ATP11B: variants seen among roughly 807,000 people sequenced by gnomAD.
ATP11B encodes phospholipid-transporting ATPase IF.
Under a neutral mutation model 157.8 loss-of-function variants are expected in ATP11B, and 81 were observed. The observed-to-expected ratio is 0.51, with a 90% CI of 0.43 to 0.62. The LOEUF is 0.62. Ranked by LOEUF, ATP11B falls within the 20% of genes least tolerant of loss-of-function variation. ATP11B has a pLI of 0.00. For synonymous variants in ATP11B, 451 were observed against 469.4 expected (o/e 0.96, Z 0.51); for missense variants, 1,165 against 1,402.2 (o/e 0.83, Z 2.70).
chr3:182,867,578 A>AATTT, intron 15 of ATP11B, 134 bp downstream of exon 15: 23 of 232,848 alleles, frequency 9.9e-5, no homozygotes, highest in Non-Finnish European at 1.3e-4. Context: ...AAGTCACATT[A>AATTT]CTTTTTTTTT....
rs184788601 is a variant in ATP11B, at chr3:182,857,408, A to G, written c.852-470A>G. On this transcript the variant is annotated intron_variant, in intron 10 of 29. Transcript: ENST00000323116. ...GTGATCCACCCGCCTCGGTCTCCCA[A>G]AGTGCTGGGATTACAGGCGTAGTGA... 2.6e-5 allele frequency among the ~76,000 whole-genome samples: 4 copies of G among 152,256 alleles called. No homozygotes were observed. In the East Asian group the frequency reaches 7.7e-4, roughly 29 times the overall value.
At chr3:182,863,981 TAATATCA>T (rs879944459) in intron 12 of ATP11B, among the ~76,000 whole-genome samples, 1 of 152,128 alleles carries the variant, frequency 6.6e-6, no homozygotes, top group Non-Finnish European at 1.5e-5. Flanking sequence ...GGGCAACATT[TAATATCA>T]AATAGTAAAG....
At chr3:182,868,155 A>G (rs1286307362) in intron 15 of ATP11B, among the ~76,000 whole-genome samples, 1 of 151,952 alleles carries the variant, frequency 6.6e-6, no homozygotes, top group Admixed American at 6.6e-5. Flanking sequence ...TTCTCACTGA[A>G]TAAAGAAAAC....
chr3:182,841,217 A>T (rs530614343), intron 7 of ATP11B, among the ~76,000 whole-genome samples: 1 of 152,308 alleles, frequency 6.6e-6, no homozygotes, highest in Admixed American at 6.5e-5. Flanking sequence ...GATCCTTCTT[A>T]TTCTGTTCTG....
chr3:182,825,505 G>A (rs756438928), intron 2 of ATP11B, among the ~76,000 whole-genome samples: 1 of 152,042 alleles, frequency 6.6e-6, no homozygotes, highest in Non-Finnish European at 1.5e-5. Flanking sequence ...GATCACTTGA[G>A]GCCAGGAGTT....
intron 10 of ATP11B, among the ~76,000 whole-genome samples, chr3:182,853,339 C>T (rs547927219): frequency 6.6e-6 from 1 of 152,240 alleles, no homozygotes; most frequent in South Asian, 2.1e-4. Context: ...TCCCGAGTGG[C>T]TGGGACCACA....
intron 28 of ATP11B, among the ~76,000 whole-genome samples, chr3:182,912,724 G>A (rs1262898345): frequency 6.6e-6 from 1 of 152,066 alleles, no homozygotes. Flanking sequence ...GTTCCATCAC[G>A]TCCGTCTCTT....
intron 1 of ATP11B, among the ~76,000 whole-genome samples, chr3:182,814,722 C>T (rs921693514): frequency 6.6e-6 from 1 of 152,036 alleles, no homozygotes; most frequent in African/African-American, 2.4e-5. Context: ...ATGAGAGGAT[C>T]GCTTGAGCCT....
chr3:182,895,763 G>A (rs1723504173), intron 25 of ATP11B, among the ~76,000 whole-genome samples: 1 of 152,164 alleles, frequency 6.6e-6, no homozygotes, highest in South Asian at 2.1e-4. Flanking sequence ...GTGTGGGCGG[G>A]AGGGGTCTGG....
In ATP11B at chr3:182,884,756, T is replaced by C. The variant is rs1378479762; in HGVS notation, c.2513T>C (p.Ile838Thr). Residue 838 changes from isoleucine to threonine, a missense_variant, in exon 22 of 30, where the codon ATC becomes ACC. Ile to Thr is a moderately conservative substitution (Grantham distance 89). Around this residue, in one of 4 missense-constraint regions of ATP11B, gnomAD observed 737 missense variants for 930.5 expected, o/e 0.79. Coordinates refer to ENST00000323116, the MANE Select transcript of ATP11B (RefSeq NM_014616.3). ...TCTTTTGTCCCTTTTATTATAGGAATCATGGGTAAAGAAGGAAGACAGGCT... is the reference window on the plus strand; with the variant it reads ...TCTTTTGTCCCTTTTATTATAGGAACCATGGGTAAAGAAGGAAGACAGGCT... The part of the protein sequence containing the change: ...MIQEAHVGIG[I>T]MGKEGRQAAR... 1 of 1,590,862 alleles carries C rather than the reference T, an allele frequency of 6.3e-7. No homozygotes were observed. The highest frequency in any genetic ancestry group is 8.5e-7 in the Non-Finnish European group (1 of 1,174,136).
At chr3:182,840,781 A>G (rs958552342) in intron 7 of ATP11B, among the ~76,000 whole-genome samples, 7 of 152,114 alleles carry the variant, frequency 4.6e-5, no homozygotes. Flanking sequence ...AAATCTGACC[A>G]TCTTTTCCTA....
At chr3:182,855,455 C>G (rs1355965361) in intron 10 of ATP11B, among the ~76,000 whole-genome samples, 1 of 152,112 alleles carries the variant, frequency 6.6e-6, no homozygotes, top group Non-Finnish European at 1.5e-5. Flanking sequence ...ATCTTCAGGA[C>G]TTAGTGTTAG....
chr3:182,902,498 T>G, intron 28 of ATP11B: 1 of 1,289,494 alleles, frequency 7.8e-7, no homozygotes, highest in East Asian at 5.5e-5. Flanking sequence ...CCAACACAGT[T>G]GCTTTAAGTG....
At chr3:182,824,512 G>C (rs1717588577) in intron 2 of ATP11B, among the ~76,000 whole-genome samples, 1 of 152,138 alleles carries the variant, frequency 6.6e-6, no homozygotes, top group Non-Finnish European at 1.5e-5. Flanking sequence ...ATTTGACATA[G>C]TTTTTAAAAT....
chr3:182,902,788 CACAGA>C (rs1724058792), intron 28 of ATP11B, among the ~76,000 whole-genome samples: 1 of 151,782 alleles, frequency 6.6e-6, no homozygotes, highest in Non-Finnish European at 1.5e-5. Context: ...TCAACGTGAT[CACAGA>C]ACAGAGATCT....
In ATP11B at chr3:182,918,037, C is replaced by T. The variant is rs762759717; in HGVS notation, c.3467C>T (p.Ser1156Leu). 3.7e-6 allele frequency: 6 copies of T among 1,612,914 alleles called. No homozygotes were observed. The highest frequency in any genetic ancestry group is 3.3e-5 in the Admixed American group (2 of 59,942). Residue 1156 changes from serine to leucine, a missense_variant, in exon 30 of 30, where the codon TCG becomes TTG. Coordinates refer to ENST00000323116, the MANE Select transcript of ATP11B (RefSeq NM_014616.3). ...TGTTACTTTAGATCATGGAGTGCAT[C>T]GGATCCTTTCTATACCAACGACAGG... is the stretch of plus-strand genomic sequence containing the variant. ...PTHISRSWSA[S>L]DPFYTNDRSI... is the part of the protein sequence containing the mutation.
At position 182,872,521 on chromosome 3, in the gene ATP11B, A is replaced by G; in HGVS notation, c.2032A>G (p.Thr678Ala). ...IEKDLILLGA[T>A]AVEDRLQDKV... ...GAAAGACCTGATATTACTTGGAGCC[A>G]CAGCAGTAGAAGACAGGTAAGTATC... The change falls in exon 18 of 30, where the codon ACA (threonine) becomes GCA (alanine). Residue 678 changes from threonine (T) to alanine (A), a missense_variant. Physicochemically the swap from Thr to Ala is moderately conservative, Grantham distance 58. Coordinates refer to ENST00000323116, the MANE Select transcript of ATP11B (RefSeq NM_014616.3). The G allele has an allele frequency of 6.2e-7, 1 of 1,611,004 alleles. No homozygotes were observed. Among genetic ancestry groups the G allele is most frequent in the Non-Finnish European group, 8.5e-7 (1 of 1,179,020 alleles).
chr3:182,897,101 A>G (rs1352583756), intron 26 of ATP11B, among the ~76,000 whole-genome samples: 1 of 152,102 alleles, frequency 6.6e-6, no homozygotes, highest in African/African-American at 2.4e-5. Flanking sequence ...TTCCTCAAAG[A>G]AGAAAAACAT....
In ATP11B at chr3:182,866,430, G is replaced by A. The variant is rs559814625; in HGVS notation, c.1606G>A (p.Glu536Lys). 6.2e-7 allele frequency: 1 copy of A among 1,604,558 alleles called. No individual in the cohort carries two copies. The highest frequency in any genetic ancestry group is 1.3e-5 in the African/African-American group (1 of 74,812). ...ASSPDEKALV[E>K]AAARIGIVFI... is the part of the protein sequence containing the mutation. ...TTCACCAGATGAAAAGGCTCTAGTA[G>A]AAGCTGCTGCAAGGTAATTTAGTCT... The change falls in exon 14 of 30, where the codon GAA (glutamate) becomes AAA (lysine). Residue 536 changes from glutamate to lysine, a missense_variant. This residue lies in a region of ATP11B where 737 missense variants were observed against 930.5 expected (regional missense o/e 0.79). Coordinates refer to ENST00000323116, the MANE Select transcript of ATP11B (RefSeq NM_014616.3).
Sources: allele counts gnomAD v4.1 joint callset (sites outside exome capture counted in the v4.1 genomes callset), GRCh38; gene constraint gnomAD v4.1.1; regional missense constraint gnomAD v4.1.1; transcripts MANE v1.5; gene names NCBI Gene and HGNC (gene_info 2026-07-23, HGNC 2026-07-21).